Variants in ABHD5 observed in about 807,000 individuals in gnomAD.
ABHD5 encodes the protein 1-acylglycerol-3-phosphate O-acyltransferase ABHD5.
Under a neutral mutation model 44.9 loss-of-function variants are expected in ABHD5, and 30 were observed. That is an observed-to-expected ratio of 0.67 (90% CI 0.50 to 0.91). The LOEUF (loss-of-function observed/expected upper bound fraction) is 0.91. Among genes scored for constraint, ABHD5 ranks in the 40% least tolerant of loss-of-function variants. The pLI, the probability that ABHD5 is intolerant of heterozygous loss-of-function variation, is 0.00. For missense variants in ABHD5, 399 were observed against 423.4 expected (o/e 0.94, Z 0.50); for synonymous variants, 167 against 147.0 (o/e 1.14, Z -0.99).
chr3:43,717,109 T>C (rs1180441688), intron 5 of ABHD5, among the ~76,000 whole-genome samples: 2 of 151,312 alleles, frequency 1.3e-5, no homozygotes, highest in African/African-American at 2.4e-5. Context: ...AGGCAGAGGC[T>C]GCAGTGAGCT....
chr3:43,712,838 C>G (rs1374578144), intron 4 of ABHD5, among the ~76,000 whole-genome samples: 2 of 152,138 alleles, frequency 1.3e-5, no homozygotes, highest in African/African-American at 4.8e-5. Flanking sequence ...AATGGTCCTT[C>G]TCTCCATAAT....
chr3:43,702,702 G>A lies in ABHD5; in HGVS notation c.506+115G>A, dbSNP rs377694550. The stretch of plus-strand genomic sequence containing the variant: ...GCCACAAGGCAGACATTCTCTTAAA[G>A]GACCCTATAGACCACACCACAACTG... On this transcript the variant is annotated intron_variant, in intron 3 of 6. Coordinates refer to ENST00000644371, the MANE Select transcript of ABHD5 (RefSeq NM_016006.6). 3.1e-5 allele frequency: 46 copies of A among 1,464,768 alleles called. No homozygotes were observed. In the Middle Eastern group the frequency reaches 1.0e-3, roughly 32 times the overall value. 90.7% of individuals were successfully genotyped at this position (1,464,768 alleles called of 1,614,324 possible). A position where few individuals can be genotyped will look rare whatever the true frequency, so the allele number is the denominator to read the frequency against.
chr3:43,706,616 T>C (rs2084623274), intron 3 of ABHD5, among the ~76,000 whole-genome samples: 1 of 152,022 alleles, frequency 6.6e-6, no homozygotes. Context: ...CATGCCTGGG[T>C]AATTTTTAAA....
intron 5 of ABHD5, among the ~76,000 whole-genome samples, 198 bp from the exon 6 acceptor site, chr3:43,717,473 A>G (rs1356566772): frequency 6.6e-6 from 1 of 152,244 alleles, no homozygotes; most frequent in African/African-American, 2.4e-5. Context: ...CAGCTGGAGT[A>G]TACAACAGCC....
chr3:43,733,920 G>A (rs1344605328), exon 8 of ABHD5: 1 of 152,174 alleles, frequency 6.6e-6, no homozygotes, highest in Non-Finnish European at 1.5e-5. Context: ...CAGGAAGTCT[G>A]GATTCTTGTC....
intron 7 of ABHD5, among the ~76,000 whole-genome samples, chr3:43,727,894 C>T (rs1347307998): frequency 6.6e-6 from 1 of 152,192 alleles, no homozygotes; most frequent in African/African-American, 2.4e-5. Context: ...CAGGCGTGAG[C>T]CACCGCACCT....
intron 4 of ABHD5, among the ~76,000 whole-genome samples, chr3:43,713,185 G>A (rs1039300655): frequency 1.3e-5 from 2 of 151,834 alleles, no homozygotes; most frequent in African/African-American, 4.8e-5. Flanking sequence ...AGGCATAGTG[G>A]CACACACCTG....
At chr3:43,695,596 C>T (rs1000291717) in intron 1 of ABHD5, among the ~76,000 whole-genome samples, 10 of 152,160 alleles carry the variant, frequency 6.6e-5, no homozygotes, top group Non-Finnish European at 1.0e-4. Flanking sequence ...CAGAATACTT[C>T]GAAACCTCTT....
chr3:43,691,103 A>T, intron 1 of ABHD5, 64 bp downstream of exon 1: 1 of 1,461,642 alleles, frequency 6.8e-7, no homozygotes. Context: ...GGGCCGGGTT[A>T]GGGCCCAGCG....
chr3:43,718,431 T>C lies in ABHD5; in HGVS notation c.961-12T>C. On this transcript the variant is annotated splice_polypyrimidine_tract_variant and intron_variant, in intron 6 of 6. Transcript: ENST00000644371. Reference sequence around the variant, plus strand: ...TTACTCACTAACTGTCTGAATGCTTTTCCTTATCCAGGCTATTCTTGGGGC... The same window carrying C: ...TTACTCACTAACTGTCTGAATGCTTCTCCTTATCCAGGCTATTCTTGGGGC... The C allele has an allele frequency of 6.2e-7, 1 of 1,612,044 alleles. No individual in the cohort carries two copies. The highest frequency in any genetic ancestry group is 1.3e-5 in the African/African-American group (1 of 75,018).
At position 43,721,604 on chromosome 3, in the gene ABHD5, C is replaced by T. The variant is rs2084837528; in HGVS notation, c.*3072C>T. 1 of 151,426 alleles carries T rather than the reference C, an allele frequency of 6.6e-6. No homozygotes were observed. The highest frequency in any genetic ancestry group is 2.1e-4 in the South Asian group (1 of 4,798). The allele number at this position is 151,426 out of a possible 1,614,324, so 9.4% of individuals were successfully genotyped here. On this transcript the variant is annotated 3_prime_UTR_variant, in exon 7 of 7. Transcript: ENST00000644371. The stretch of plus-strand genomic sequence containing the variant: ...AAAAATTAAGTACCTGGCCTGGGTT[C>T]CACCTACTTGGGAGGCTGAGGTAGG...
At chr3:43,706,498 T>TA (rs1341159412) in intron 3 of ABHD5, among the ~76,000 whole-genome samples, 2 of 152,008 alleles carry the variant, frequency 1.3e-5, no homozygotes, top group Non-Finnish European at 2.9e-5. Flanking sequence ...GATGGGGTCT[T>TA]ACTCTGTTGC....
chr3:43,728,111 C>T (rs1254824243), intron 7 of ABHD5, among the ~76,000 whole-genome samples: 1 of 152,120 alleles, frequency 6.6e-6, no homozygotes, highest in East Asian at 1.9e-4. Context: ...ATTTTGTTGG[C>T]CCATTGTTCC....
At chr3:43,728,029 G>A (rs1435224593) in intron 7 of ABHD5, among the ~76,000 whole-genome samples, 2 of 152,182 alleles carry the variant, frequency 1.3e-5, no homozygotes, top group African/African-American at 4.8e-5. Flanking sequence ...TTCCTTGTAA[G>A]CCCTTCTCTC....
chr3:43,692,385 CACA>C (rs747719848), intron 1 of ABHD5, among the ~76,000 whole-genome samples: 3 of 152,126 alleles, frequency 2.0e-5, no homozygotes, highest in Non-Finnish European at 4.4e-5. Flanking sequence ...TCTTGTTTGT[CACA>C]ACATTTTTGA....
rs764177895 is a variant in ABHD5 at position 43,715,012 on chromosome 3, G to C, written c.727G>C (p.Asp243His). ...AAAGTATTCTTCAATGTTCGAAGAC[G>C]ATACTGTGACAGAATACATCTACCA... ...KRKYSSMFED[D>H]TVTEYIYHCN... Residue 243 changes from aspartate to histidine, a missense_variant, in exon 5 of 7, where the codon GAT (aspartate) becomes CAT (histidine). Transcript: ENST00000644371. 16 of 1,612,940 alleles carry C rather than the reference G, an allele frequency of 9.9e-6. No individual in the cohort carries two copies. The highest frequency in any genetic ancestry group is 1.3e-5 in the African/African-American group (1 of 74,754).
chr3:43,690,932 C>G (rs1008467146), upstream of ABHD5: 2 of 1,521,612 alleles, frequency 1.3e-6, no homozygotes, highest in Non-Finnish European at 1.8e-6. Context: ...CAGCCCGGGG[C>G]GGCCCAGTCG....
At chr3:43,712,496 A>G (rs1382988786) in intron 4 of ABHD5, among the ~76,000 whole-genome samples, 4 of 152,178 alleles carry the variant, frequency 2.6e-5, no homozygotes, top group Non-Finnish European at 5.9e-5. Flanking sequence ...CCCCATAGCC[A>G]TGGGAATTTC....
intron 1 of ABHD5, 126 bp downstream of exon 1, chr3:43,691,165 A>G: frequency 1.0e-6 from 1 of 961,472 alleles, no homozygotes; most frequent in Admixed American, 4.3e-5. Context: ...GGCTTCCTCG[A>G]CCCTCCCCGG....
Sources: allele counts gnomAD v4.1 joint callset (sites outside exome capture counted in the v4.1 genomes callset), GRCh38; gene constraint gnomAD v4.1.1; transcripts MANE v1.5; gene names NCBI Gene and HGNC (gene_info 2026-07-23, HGNC 2026-07-21).